Variants in MYO5A observed in about 807,000 individuals in gnomAD.
The protein encoded by MYO5A is unconventional myosin-Va.
In MYO5A, 98 loss-of-function variants were observed where a neutral mutation model predicts 249.7. The observed-to-expected ratio is 0.39, with a 90% CI of 0.33 to 0.46. MYO5A has a LOEUF of 0.46. Among genes scored for constraint, MYO5A ranks in the 20% least tolerant of loss-of-function variants. The pLI, the probability that MYO5A is intolerant of heterozygous loss-of-function variation, is 0.98. For missense variants in MYO5A, 1,696 were observed against 2,308.8 expected (o/e 0.73, Z 5.44); for synonymous variants, 778 against 810.6 (o/e 0.96, Z 0.68).
chr15:52,459,382 T>G (rs1303185845), intron 1 of MYO5A, among the ~76,000 whole-genome samples: 1 of 151,968 alleles, frequency 6.6e-6, no homozygotes, highest in Non-Finnish European at 1.5e-5. Flanking sequence ...TTAACGACTA[T>G]GCTGCCTTCA....
chr15:52,334,892 G>A (rs1385666545), intron 34 of MYO5A, among the ~76,000 whole-genome samples: 2 of 152,326 alleles, frequency 1.3e-5, no homozygotes, highest in African/African-American at 4.8e-5. Context: ...GTCTGTCTGG[G>A]TAATCAGGAA....
intron 1 of MYO5A, among the ~76,000 whole-genome samples, chr15:52,474,818 G>A (rs8028425): frequency 0.78 from 117,044 of 149,722 alleles, 46,050 homozygotes; most frequent in South Asian, 0.84. Flanking sequence ...TTTTTGCATC[G>A]ATGTTCATCA....
chr15:52,519,763 C>T (rs965555860), intron 1 of MYO5A, among the ~76,000 whole-genome samples: 2 of 151,518 alleles, frequency 1.3e-5, no homozygotes, highest in African/African-American at 4.9e-5. Flanking sequence ...CAGAGTCTTG[C>T]TTTGTCGCCC....
intron 34 of MYO5A, chr15:52,331,688 A>G (rs1369895273): frequency 2.0e-6 from 2 of 985,312 alleles, no homozygotes; most frequent in African/African-American, 3.5e-5. Context: ...TATCACAGAG[A>G]ACATCAGTAC....
rs2042256154 is a variant in MYO5A at position 52,391,925 on chromosome 15, C to T, written c.1542+5G>A. ...AAACCAAGTACCCCAGGAAATCATA[C>T]TTACCTTGCATTCCTCATCCAGTAA... On this transcript the variant is annotated splice_donor_5th_base_variant and intron_variant, in intron 12 of 41. Coordinates refer to ENST00000399233, the MANE Select transcript of MYO5A (RefSeq NM_001382347.1). 1.2e-6 allele frequency: 2 copies of T among 1,612,146 alleles called. No homozygotes were observed. The highest frequency in any genetic ancestry group is 1.7e-6 in the Non-Finnish European group (2 of 1,179,056).
chr15:52,361,505 C>G (rs975239477), intron 24 of MYO5A, among the ~76,000 whole-genome samples: 1 of 152,128 alleles, frequency 6.6e-6, no homozygotes, highest in South Asian at 2.1e-4. Flanking sequence ...TGATTAAGTG[C>G]TCTGGATCTG....
At chr15:52,425,737 G>A in intron 4 of MYO5A, 93 bp downstream of exon 4, 2 of 1,381,572 alleles carry the variant, frequency 1.4e-6, no homozygotes, top group Non-Finnish European at 2.0e-6. Context: ...TATTTACAAG[G>A]TTGCCATTCA....
intron 12 of MYO5A, 68 bp from the exon 13 acceptor site, chr15:52,389,431 G>T: frequency 6.8e-7 from 1 of 1,461,242 alleles, no homozygotes. Flanking sequence ...AGCATCAGCT[G>T]TCAAAAGATC....
At chr15:52,398,489 C>T (rs145676702) in intron 9 of MYO5A, among the ~76,000 whole-genome samples, 11 of 152,300 alleles carry the variant, frequency 7.2e-5, no homozygotes, top group African/African-American at 2.2e-4. Context: ...CAAAAATCAG[C>T]TGGCAATTGA....
rs1323787289 is a variant in MYO5A at position 52,312,317 on chromosome 15, A to G, written c.*1379T>C. 6.6e-6 allele frequency: 1 copy of G among 152,218 alleles called. No individual in the cohort carries two copies. The highest frequency in any genetic ancestry group is 1.9e-4 in the East Asian group (1 of 5,198). The allele number at this position is 152,218 out of a possible 1,614,324, so 9.4% of individuals were successfully genotyped here. ...CTTCTTTTGCATAATCAAAGTTTCA[A>G]GACCTGAATCGTGAATATTCTGACA... On this transcript the variant is annotated 3_prime_UTR_variant, in exon 42 of 42. Coordinates refer to ENST00000399233, the MANE Select transcript of MYO5A (RefSeq NM_001382347.1).
At chr15:52,418,250 T>G (rs553476915) in intron 4 of MYO5A, among the ~76,000 whole-genome samples, 224 of 152,312 alleles carry the variant, frequency 1.5e-3, no homozygotes, top group African/African-American at 5.2e-3. Flanking sequence ...GGCTGGGTAC[T>G]GGGTGCTTTG....
intron 16 of MYO5A, among the ~76,000 whole-genome samples, chr15:52,380,264 C>A (rs1451865989): frequency 6.6e-6 from 1 of 152,192 alleles, no homozygotes; most frequent in South Asian, 2.1e-4. Flanking sequence ...GGTGAAACCC[C>A]GTCTCTACTA....
intron 6 of MYO5A, among the ~76,000 whole-genome samples, chr15:52,409,735 T>C (rs1225470341): frequency 1.3e-5 from 2 of 152,170 alleles, no homozygotes; most frequent in Non-Finnish European, 2.9e-5. Context: ...AATATATAAA[T>C]GTATGCCTGC....
intron 39 of MYO5A, among the ~76,000 whole-genome samples, chr15:52,318,015 G>T (rs2038107928): frequency 6.6e-6 from 1 of 152,142 alleles, no homozygotes; most frequent in Non-Finnish European, 1.5e-5. Context: ...AGGCATTATT[G>T]TCTTAAAATT....
At chr15:52,401,316 C>T (rs769168582) in intron 9 of MYO5A, among the ~76,000 whole-genome samples, 1 of 152,134 alleles carries the variant, frequency 6.6e-6, no homozygotes, top group Non-Finnish European at 1.5e-5. Context: ...GTGATCCACC[C>T]GCCTCAGCCT....
rs1361895542 is a variant in MYO5A, at chr15:52,323,448, A to T, written c.4711-4T>A. 6.2e-7 allele frequency: 1 copy of T among 1,610,450 alleles called. No individual in the cohort carries two copies. The highest frequency in any genetic ancestry group is 2.2e-5 in the East Asian group (1 of 44,828). On this transcript the variant is annotated splice_polypyrimidine_tract_variant and splice_region_variant and intron_variant, in intron 36 of 41. Transcript: ENST00000399233. Reference sequence around the variant, plus strand: ...TTTCAAAATCATCACCTCTTTTCTGAAAGAGAGAATAAGTCTAAACTTGCC... The same window carrying T: ...TTTCAAAATCATCACCTCTTTTCTGTAAGAGAGAATAAGTCTAAACTTGCC...
In MYO5A at chr15:52,354,718, G is replaced by C. The variant is rs139793067; in HGVS notation, c.3424-704C>G. Among the ~76,000 whole-genome samples, 929 of 152,234 alleles carry C rather than the reference G, an allele frequency of 6.1e-3. 10 individuals carry two copies. The highest frequency in any genetic ancestry group is 0.021 in the African/African-American group (888 of 41,534). ...AAAATATAAAAATTAGCCGGGCCTG[G>C]TGGCACACATCAGTAATCCCATCTA... On this transcript the variant is annotated intron_variant, in intron 25 of 41. Transcript: ENST00000399233.
At chr15:52,482,139 C>T (rs962659948) in intron 1 of MYO5A, among the ~76,000 whole-genome samples, 85 of 152,248 alleles carry the variant, frequency 5.6e-4, no homozygotes, top group African/African-American at 1.5e-3. Flanking sequence ...AAAGATCATA[C>T]GGAGAAAGAT....
chr15:52,440,557 C>A (rs181333625), intron 1 of MYO5A, among the ~76,000 whole-genome samples: 2 of 152,312 alleles, frequency 1.3e-5, no homozygotes, highest in South Asian at 4.1e-4. Context: ...CATGAGTCAC[C>A]GCACCTGGCC....
Sources: allele counts gnomAD v4.1 joint callset (sites outside exome capture counted in the v4.1 genomes callset), GRCh38; gene constraint gnomAD v4.1.1; transcripts MANE v1.5; gene names NCBI Gene and HGNC (gene_info 2026-07-23, HGNC 2026-07-21).